The following TMEM135 variants were observed in gnomAD, a reference collection of about 807,000 sequenced individuals.
The protein encoded by TMEM135 is transmembrane protein 135, also known as peroxisomal membrane protein 52.
A neutral mutation model predicts 60.3 loss-of-function variants in TMEM135; 30 were observed. The ratio of observed to expected loss-of-function variants is 0.50; its 90% CI spans 0.37 to 0.68. TMEM135 has a LOEUF of 0.68. TMEM135 is among the 30% of genes least tolerant of loss of function. The pLI, the probability that TMEM135 is intolerant of heterozygous loss-of-function variation, is 0.00. For synonymous variants in TMEM135, 190 were observed against 186.7 expected, an observed-to-expected ratio of 1.02 and a Z score of -0.14; for missense variants, 468 against 548.8, an observed-to-expected ratio of 0.85 and a Z score of 1.47.
intron 6 of TMEM135, among the ~76,000 whole-genome samples, chr11:87,245,084 A>T (rs1232026411): frequency 7.4e-6 from 1 of 134,660 alleles, no homozygotes; most frequent in East Asian, 2.0e-4. Flanking sequence ...GAACATCTTT[A>T]TTTCTGCCTT....
chr11:87,123,554 C>T (rs536573630), intron 4 of TMEM135, among the ~76,000 whole-genome samples: 1 of 148,134 alleles, frequency 6.8e-6, no homozygotes, highest in South Asian at 2.2e-4. Context: ...AGGTCACTTT[C>T]ACAAGAACCA....
At chr11:87,313,328 G>T in intron 10 of TMEM135, 97 bp from the exon 11 acceptor site, 1 of 993,132 alleles carries the variant, frequency 1.0e-6, no homozygotes, top group Non-Finnish European at 1.6e-6. Flanking sequence ...GGCCTGCAAG[G>T]TAATCTGATG....
At chr11:87,263,241 A>G (rs1215312302) in intron 6 of TMEM135, among the ~76,000 whole-genome samples, 1 of 152,212 alleles carries the variant, frequency 6.6e-6, no homozygotes, top group Non-Finnish European at 1.5e-5. Flanking sequence ...AACTAAGATA[A>G]ATTTGTCCTA....
chr11:87,204,019 A>G (rs1268766824), intron 5 of TMEM135, among the ~76,000 whole-genome samples: 1 of 152,062 alleles, frequency 6.6e-6, no homozygotes, highest in African/African-American at 2.4e-5. Flanking sequence ...AATCGTGCAC[A>G]ATAATTTTTA....
At chr11:87,150,236 G>T (rs1213576557) in intron 4 of TMEM135, among the ~76,000 whole-genome samples, 1 of 132,428 alleles carries the variant, frequency 7.6e-6, no homozygotes, top group Non-Finnish European at 1.6e-5. Flanking sequence ...AAAAAAAAAA[G>T]AAAAAAAGTG....
intron 4 of TMEM135, among the ~76,000 whole-genome samples, chr11:87,110,491 C>T (rs1384582191): frequency 5.9e-5 from 9 of 151,748 alleles, no homozygotes; most frequent in African/African-American, 1.9e-4. Context: ...CCTGGTTTAC[C>T]ATTTAATAGC....
At chr11:87,237,934 C>T (rs931471596) in intron 6 of TMEM135, among the ~76,000 whole-genome samples, 3 of 151,916 alleles carry the variant, frequency 2.0e-5, no homozygotes, top group African/African-American at 7.2e-5. Flanking sequence ...CTTTCTGTGC[C>T]TGGCTTAATT....
At chr11:87,168,392 A>G (rs959026534) in intron 5 of TMEM135, among the ~76,000 whole-genome samples, 1 of 151,428 alleles carries the variant, frequency 6.6e-6, no homozygotes, top group Admixed American at 6.6e-5. Flanking sequence ...TTTAATTGTG[A>G]TATTAGGGTG....
At position 87,169,062 on chromosome 11, in the gene TMEM135, C is replaced by T. The variant is rs565095285; in HGVS notation, c.462+11656C>T. On this transcript the variant is annotated intron_variant, in intron 5 of 14. Coordinates refer to ENST00000305494, the MANE Select transcript of TMEM135 (RefSeq NM_022918.4). Reference sequence around the variant, plus strand: ...CCCTTTGCCATTATGTAATGCCCTTCTTTGTCTCTTTTGATCTTTGTTGGT... The same window carrying T: ...CCCTTTGCCATTATGTAATGCCCTTTTTTGTCTCTTTTGATCTTTGTTGGT... Among the ~76,000 whole-genome samples, 6 of 151,996 alleles carry T rather than the reference C, an allele frequency of 3.9e-5. 1 individual carries two copies. The South Asian group carries it at 1.2e-3, about 32-fold the overall frequency.
In TMEM135 at chr11:87,178,031, C is replaced by T. The variant is rs79427921; in HGVS notation, c.462+20625C>T. On this transcript the variant is annotated intron_variant, in intron 5 of 14. Transcript: ENST00000305494. ...AGGGTACATTACCCTCTCTGCATGT[C>T]AGTGTGTCCACCAAGCCTCAGTGTT... is the stretch of plus-strand genomic sequence containing the variant. Among the ~76,000 whole-genome samples, 20 of 152,292 alleles carry T rather than the reference C, an allele frequency of 1.3e-4. No individual in the cohort carries two copies. The East Asian group carries it at 3.9e-3, about 29-fold the overall frequency.
At chr11:87,163,561 G>A (rs933300069) in intron 5 of TMEM135, among the ~76,000 whole-genome samples, 3 of 152,098 alleles carry the variant, frequency 2.0e-5, no homozygotes, top group Non-Finnish European at 2.9e-5. Context: ...CCAGTAATGG[G>A]ATGGCTGGGT....
In TMEM135 at chr11:87,325,396, A is replaced by G. The variant is rs1174327418; in HGVS notation, c.*4063A>G. The G allele has an allele frequency of 6.6e-6, 3 of 453,928 alleles. No individual in the cohort carries two copies. The highest frequency in any genetic ancestry group is 1.3e-5 in the Non-Finnish European group (3 of 226,788). The allele number at this position is 453,928 out of a possible 1,614,324, so 28.1% of individuals were successfully genotyped here. On this transcript the variant is annotated 3_prime_UTR_variant, in exon 15 of 15. Transcript: ENST00000305494. ...GCTGTGGTGAATAAGAATGTGTGCT[A>G]TTTTACACACAGAAGAAAATGATTG... is the stretch of plus-strand genomic sequence containing the variant.
intron 4 of TMEM135, among the ~76,000 whole-genome samples, chr11:87,156,063 G>A (rs560477196): frequency 2.0e-4 from 31 of 152,084 alleles, no homozygotes; most frequent in Non-Finnish European, 3.5e-4. Context: ...TTCTTGTTAA[G>A]CCTGTGAGGA....
intron 5 of TMEM135, among the ~76,000 whole-genome samples, chr11:87,205,919 C>G (rs301594): frequency 0.63 from 96,293 of 151,914 alleles, 32,705 homozygotes; most frequent in East Asian, 0.91. Context: ...AGTTCTCCCT[C>G]AGTTCACAGA....
In TMEM135 at chr11:87,309,558, C is replaced by A. The variant is rs1200894504; in HGVS notation, c.822C>A (p.Ile274=). The change falls in exon 10 of 15, where the codon ATC becomes ATA. Residue 274 remains isoleucine (I), a synonymous_variant. Coordinates refer to ENST00000305494, the MANE Select transcript of TMEM135 (RefSeq NM_022918.4). The stretch of plus-strand genomic sequence containing the variant: ...ACTTGATCCAGTGCTGCCTCCGAAT[C>A]CCTTCTGCATTTAGGCATCTGTTTA... The part of the protein sequence containing the change: ...VGYLIQCCLR[I]PSAFRHLFTQ... 6.2e-7 allele frequency: 1 copy of A among 1,613,740 alleles called. No homozygotes were observed. Among genetic ancestry groups the A allele is most frequent in the Non-Finnish European group, 8.5e-7 (1 of 1,179,822 alleles).
intron 5 of TMEM135, among the ~76,000 whole-genome samples, chr11:87,168,354 A>G (rs1393480330): frequency 6.6e-6 from 1 of 151,536 alleles, no homozygotes; most frequent in Non-Finnish European, 1.5e-5. Flanking sequence ...TTGCTTTTGA[A>G]TTTGTTAGCT....
At chr11:87,157,069 C>CTTTTTTTT (rs1354998761) in intron 4 of TMEM135, among the ~76,000 whole-genome samples, 2 of 122,396 alleles carry the variant, frequency 1.6e-5, no homozygotes, top group South Asian at 2.8e-4. Context: ...TTCTTTCTTT[C>CTTTTTTTT]TTTTGTTTTT....
chr11:87,280,457 T>G (rs913469720), intron 6 of TMEM135, among the ~76,000 whole-genome samples: 3 of 152,240 alleles, frequency 2.0e-5, no homozygotes, highest in African/African-American at 7.2e-5. Context: ...TACAGTCATA[T>G]TAAACCTCTC....
At chr11:87,109,835 T>TTTG (rs1857698019) in intron 4 of TMEM135, among the ~76,000 whole-genome samples, 1 of 151,994 alleles carries the variant, frequency 6.6e-6, no homozygotes, top group South Asian at 2.1e-4. Flanking sequence ...ACTCTTTTTT[T>TTTG]TTTGCCACTG....
Sources: gnomAD v4.1 joint callset for allele counts (sites outside exome capture counted in the v4.1 genomes callset) on GRCh38, gnomAD v4.1.1 for gene constraint, MANE v1.5 for transcripts, NCBI Gene and HGNC (gene_info 2026-07-23, HGNC 2026-07-21) for gene names.